LYPLAL1: variants seen among roughly 807,000 people sequenced by gnomAD.
The protein encoded by LYPLAL1 is lysophospholipase-like protein 1.
A neutral mutation model predicts 19.7 loss-of-function variants in LYPLAL1; 23 were observed. That is an observed-to-expected ratio of 1.17 (90% CI 0.84 to 1.65). The LOEUF (loss-of-function observed/expected upper bound fraction) is 1.65. Among genes scored for constraint, LYPLAL1 ranks in the 40% most tolerant of loss-of-function variants. The probability of loss-of-function intolerance (pLI) is 0.00; values close to 1 mark genes in which losing one functional copy is unlikely to be tolerated. For missense variants in LYPLAL1, 355 were observed against 279.4 expected (o/e 1.27, Z -1.93); for synonymous variants, 119 against 96.3 (o/e 1.24, Z -1.38).
the LYPLAL1 span, among the ~76,000 whole-genome samples, chr1:219,415,480 CT>C: frequency 6.6e-6 from 1 of 152,254 alleles, no homozygotes; most frequent in Admixed American, 6.5e-5. Flanking sequence ...AGAATCACTA[CT>C]GAGTTCTGCA....
the LYPLAL1 span, among the ~76,000 whole-genome samples, chr1:219,331,148 A>G: frequency 6.6e-6 from 1 of 152,174 alleles, no homozygotes; most frequent in South Asian, 2.1e-4. Context: ...TTTGAAAAAC[A>G]CTTGGTAATA....
chr1:219,188,580 T>A (rs78204427), intron 2 of LYPLAL1, among the ~76,000 whole-genome samples: 291 of 151,882 alleles, frequency 1.9e-3, no homozygotes, highest in East Asian at 0.015. Context: ...AGAGGAAGAC[T>A]GGTGCCAATT....
chr1:219,238,364 A>C, the LYPLAL1 span, among the ~76,000 whole-genome samples: 7 of 131,484 alleles, frequency 5.3e-5, no homozygotes, highest in African/African-American at 1.8e-4. Flanking sequence ...TGTTAGCCAG[A>C]ATGGTCTCTA....
the LYPLAL1 span, among the ~76,000 whole-genome samples, chr1:219,386,135 T>C: frequency 5.9e-5 from 9 of 152,174 alleles, no homozygotes; most frequent in Admixed American, 1.3e-4. Flanking sequence ...TGGGTGTATT[T>C]CTCTAGCTCA....
the LYPLAL1 span, among the ~76,000 whole-genome samples, chr1:219,318,714 T>C: frequency 6.6e-6 from 1 of 152,196 alleles, no homozygotes; most frequent in Non-Finnish European, 1.5e-5. Flanking sequence ...ATTTTGTGTT[T>C]AGAGAAAGAT....
chr1:219,286,401 G>A, the LYPLAL1 span, among the ~76,000 whole-genome samples: 33 of 152,242 alleles, frequency 2.2e-4, no homozygotes, highest in South Asian at 1.2e-3. Context: ...ATCCTTGCTC[G>A]TATGATATGA....
At chr1:219,289,005 A>G in the LYPLAL1 span, among the ~76,000 whole-genome samples, 2 of 151,640 alleles carry the variant, frequency 1.3e-5, no homozygotes, top group African/African-American at 4.8e-5. Context: ...ATACATCTGG[A>G]TGATAAACAT....
At chr1:219,443,374 T>C in the LYPLAL1 span, among the ~76,000 whole-genome samples, 291 of 152,316 alleles carry the variant, frequency 1.9e-3, 2 homozygotes, top group African/African-American at 6.0e-3. Flanking sequence ...CTCTAATGCA[T>C]CTACTAAGCT....
At chr1:219,375,805 G>A in the LYPLAL1 span, among the ~76,000 whole-genome samples, 5 of 149,908 alleles carry the variant, frequency 3.3e-5, no homozygotes, top group African/African-American at 1.2e-4. Flanking sequence ...ACAGTGGCGC[G>A]ATCTCAGCTC....
chr1:219,408,723 T>A, the LYPLAL1 span, among the ~76,000 whole-genome samples: 1 of 151,922 alleles, frequency 6.6e-6, no homozygotes, highest in Non-Finnish European at 1.5e-5. Context: ...AGGTAAGACT[T>A]TCAGAAGTGA....
chr1:219,232,116 C>A, the LYPLAL1 span, among the ~76,000 whole-genome samples: 1 of 152,090 alleles, frequency 6.6e-6, no homozygotes, highest in Non-Finnish European at 1.5e-5. Flanking sequence ...ATTATCTTAG[C>A]TTTCATACTG....
At chr1:219,245,885 C>T in the LYPLAL1 span, among the ~76,000 whole-genome samples, 1 of 152,072 alleles carries the variant, frequency 6.6e-6, no homozygotes, top group Non-Finnish European at 1.5e-5. Context: ...CTAAACTGCA[C>T]ACTGTGGACT....
the LYPLAL1 span, among the ~76,000 whole-genome samples, chr1:219,228,857 T>G: frequency 6.6e-6 from 1 of 151,830 alleles, no homozygotes; most frequent in African/African-American, 2.4e-5. Context: ...TTTTGTATTT[T>G]TATTAGAGAC....
the LYPLAL1 span, among the ~76,000 whole-genome samples, chr1:219,429,923 C>T: frequency 2.2e-4 from 33 of 152,194 alleles, no homozygotes; most frequent in South Asian, 6.9e-3. Context: ...ATAGAAAGAA[C>T]CCCAAAAGTC....
At chr1:219,325,346 ATTG>A in the LYPLAL1 span, among the ~76,000 whole-genome samples, 2 of 152,120 alleles carry the variant, frequency 1.3e-5, no homozygotes, top group Non-Finnish European at 2.9e-5. Context: ...TCGCTACAAC[ATTG>A]TTAAGTCGTA....
the LYPLAL1 span, among the ~76,000 whole-genome samples, chr1:219,420,095 C>A: frequency 6.6e-6 from 1 of 152,174 alleles, no homozygotes; most frequent in Non-Finnish European, 1.5e-5. Flanking sequence ...GGGAAAGAAC[C>A]ATAGATCTTG....
intron 2 of LYPLAL1, among the ~76,000 whole-genome samples, chr1:219,185,690 C>G (rs1028695716): frequency 4.0e-5 from 6 of 151,786 alleles, no homozygotes; most frequent in African/African-American, 1.5e-4. Flanking sequence ...CGTGTGATTG[C>G]CAGGAACTGG....
chr1:219,434,384 G>A, the LYPLAL1 span, among the ~76,000 whole-genome samples: 1 of 152,128 alleles, frequency 6.6e-6, no homozygotes, highest in South Asian at 2.1e-4. Flanking sequence ...TCCCATAAAA[G>A]GCCTGGAGCT....
chr1:219,441,079 C>T, the LYPLAL1 span, among the ~76,000 whole-genome samples: 13 of 152,000 alleles, frequency 8.6e-5, no homozygotes, highest in East Asian at 1.9e-4. Flanking sequence ...CAAATTCTTA[C>T]GGGGGAAATT....
Sources: gnomAD v4.1 joint callset for allele counts (sites outside exome capture counted in the v4.1 genomes callset) on GRCh38, gnomAD v4.1.1 for gene constraint, MANE v1.5 for transcripts, NCBI Gene and HGNC (gene_info 2026-07-23, HGNC 2026-07-21) for gene names.